The following GPR137B variants were observed in gnomAD, a reference collection of about 807,000 sequenced individuals.
GPR137B encodes the protein G protein-coupled receptor 137B.
A neutral mutation model predicts 42.5 loss-of-function variants in GPR137B; 42 were observed. The observed-to-expected ratio is 0.99, with a 90% CI of 0.77 to 1.28. The LOEUF is 1.28. Ranked by LOEUF, GPR137B falls within the 50% of genes most tolerant of loss-of-function variation. The pLI, the probability that GPR137B is intolerant of heterozygous loss-of-function variation, is 0.00. For missense variants in GPR137B, 487 were observed against 493.9 expected (o/e 0.99, Z 0.13); for synonymous variants, 218 against 209.7 (o/e 1.04, Z -0.34).
Position 236,178,447 on chromosome 1 carries a change from C to T in GPR137B, c.498C>T (p.Ser166=), listed in dbSNP as rs765503307. Reference sequence around the variant, plus strand: ...TCTACCTGGCCTCCCTCTTCATCAGCCTTGTTTTCCTGTTGGTGAATTTAA... The same window carrying T: ...TCTACCTGGCCTCCCTCTTCATCAGTCTTGTTTTCCTGTTGGTGAATTTAA... ...LPLYLASLFI[S]LVFLLVNLTC... is the part of the protein sequence containing the mutation. The change falls in exon 3 of 7, where the codon AGC becomes AGT. Residue 166 remains serine (S), a synonymous_variant. Transcript: ENST00000366592. The T allele has an allele frequency of 1.9e-6, 3 of 1,613,746 alleles. No individual in the cohort carries two copies. The African/African-American group carries it at 4.0e-5, about 22-fold the overall frequency.
intron 1 of GPR137B, among the ~76,000 whole-genome samples, chr1:236,146,260 GCA>G (rs1021949078): frequency 1.3e-5 from 2 of 152,212 alleles, no homozygotes; most frequent in African/African-American, 4.8e-5. Context: ...TATACATACA[GCA>G]CAGTTAAGGC....
intron 5 of GPR137B, among the ~76,000 whole-genome samples, chr1:236,197,807 G>T (rs1199756629): frequency 6.6e-6 from 1 of 152,104 alleles, no homozygotes; most frequent in East Asian, 1.9e-4. Flanking sequence ...TGGAACCTCC[G>T]CCTCCCAGGT....
chr1:236,177,298 G>A (rs1662716304), intron 2 of GPR137B, among the ~76,000 whole-genome samples: 1 of 152,038 alleles, frequency 6.6e-6, no homozygotes, highest in South Asian at 2.1e-4. Flanking sequence ...CATATCCCCT[G>A]CCCCTCTCTG....
chr1:236,164,136 T>C (rs143274448), intron 1 of GPR137B, among the ~76,000 whole-genome samples: 1,605 of 152,312 alleles, frequency 0.011, 21 homozygotes, highest in Admixed American at 0.036. Flanking sequence ...CATGTCTGTC[T>C]GCCTGTGTAT....
rs896274051 is a variant in GPR137B, at chr1:236,171,960, A to G, written c.464+3205A>G. ...AGGCTGAGGCAGGAGAATCACTTGAACCCAGGAGGTTGAGGTTGCAGTGAG... is the reference window on the plus strand; with the variant it reads ...AGGCTGAGGCAGGAGAATCACTTGAGCCCAGGAGGTTGAGGTTGCAGTGAG... On this transcript the variant is annotated intron_variant, in intron 2 of 6. Transcript: ENST00000366592. The surrounding 1 kb of genome is among the most constrained non-coding windows in gnomAD (Gnocchi z 4.4). Among the ~76,000 whole-genome samples, 1 of 151,346 alleles carries G rather than the reference A, an allele frequency of 6.6e-6. No individual in the cohort carries two copies. The highest frequency in any genetic ancestry group is 1.5e-5 in the Non-Finnish European group (1 of 67,926).
At chr1:236,183,547 C>T (rs1201798886) in intron 4 of GPR137B, among the ~76,000 whole-genome samples, 1 of 152,036 alleles carries the variant, frequency 6.6e-6, no homozygotes, top group African/African-American at 2.4e-5. Context: ...GAGGTCTAGA[C>T]CATTACTATT....
Position 236,142,678 on chromosome 1 carries a change from C to G in GPR137B, c.56C>G (p.Pro19Arg). Residue 19 changes from proline (P) to arginine (R), a missense_variant, in exon 1 of 7, where the codon CCG (proline) becomes CGG (arginine). Pro to Arg is a moderately radical substitution (Grantham distance 103). Coordinates refer to ENST00000366592, the MANE Select transcript of GPR137B (RefSeq NM_003272.4). ...AGCGCCCCCGGCCCGATGGAGACCC[C>G]GCCGTGGGACCCAGCCCGCAACGAC... ...RGSAPGPMET[P>R]PWDPARNDSL... The G allele has an allele frequency of 1.9e-6, 3 of 1,558,514 alleles. No homozygotes were observed. Among genetic ancestry groups the G allele is most frequent in the Non-Finnish European group, 2.6e-6 (3 of 1,157,808 alleles).
intron 5 of GPR137B, among the ~76,000 whole-genome samples, chr1:236,194,545 T>C (rs1205282553): frequency 6.6e-6 from 1 of 152,222 alleles, no homozygotes; most frequent in Non-Finnish European, 1.5e-5. Context: ...CTGTTCATGT[T>C]CTATTAACTT....
At chr1:236,170,143 G>T (rs1375789708) in intron 2 of GPR137B, among the ~76,000 whole-genome samples, 5 of 152,026 alleles carry the variant, frequency 3.3e-5, no homozygotes. Context: ...TGAGTCCAGG[G>T]GTTCTGGCGT....
chr1:236,180,017 G>A lies in GPR137B; in HGVS notation c.826G>A (p.Val276Ile), dbSNP rs1301928644. Residue 276 changes from valine to isoleucine, a missense_variant, in exon 4 of 7, where the codon GTA becomes ATA. Val to Ile is a conservative substitution (Grantham distance 29, BLOSUM62 3). Coordinates refer to ENST00000366592, the MANE Select transcript of GPR137B (RefSeq NM_003272.4). ...VHSFDYDWYN[V>I]SDQADLKNQL... ...TTCCTTTGATTATGACTGGTACAAT[G>A]TATCAGACCAGGTCAGTGGGGGCGC... 1.2e-6 allele frequency: 2 copies of A among 1,613,788 alleles called. No individual in the cohort carries two copies. Among genetic ancestry groups the A allele is most frequent in the East Asian group, 4.5e-5 (2 of 44,880 alleles).
At chr1:236,159,566 G>A (rs190929865) in intron 1 of GPR137B, among the ~76,000 whole-genome samples, 3 of 151,928 alleles carry the variant, frequency 2.0e-5, no homozygotes, top group African/African-American at 4.8e-5. Context: ...CCAGCTACTC[G>A]GGAGGCTGAG....
chr1:236,181,467 A>G (rs1216241999), intron 4 of GPR137B, among the ~76,000 whole-genome samples: 1 of 152,254 alleles, frequency 6.6e-6, no homozygotes, highest in Non-Finnish European at 1.5e-5. Context: ...GCCATTAACA[A>G]TAAAGAAATG....
intron 5 of GPR137B, among the ~76,000 whole-genome samples, chr1:236,200,708 C>G (rs1218428879): frequency 6.6e-6 from 1 of 151,912 alleles, no homozygotes; most frequent in African/African-American, 2.4e-5. Flanking sequence ...TTTTTCCACC[C>G]CTTTACCTTA....
chr1:236,186,259 ATAT>A (rs1201292217), intron 5 of GPR137B, among the ~76,000 whole-genome samples: 3 of 19,912 alleles, frequency 1.5e-4, no homozygotes, highest in African/African-American at 4.2e-4. Context: ...TATATAATAT[ATAT>A]TATATATTAT....
intron 1 of GPR137B, among the ~76,000 whole-genome samples, chr1:236,159,392 G>A (rs1488852634): frequency 8.5e-5 from 13 of 152,094 alleles, no homozygotes; most frequent in East Asian, 1.9e-4. Flanking sequence ...TAGGCTTGGC[G>A]GGGTGGCTCA....
rs1662549065 is a variant in GPR137B, at chr1:236,171,975, G to T, written c.464+3220G>T. Reference sequence around the variant, plus strand: ...AATCACTTGAACCCAGGAGGTTGAGGTTGCAGTGAGCCGAGATTGTGCCAT... The same window carrying T: ...AATCACTTGAACCCAGGAGGTTGAGTTTGCAGTGAGCCGAGATTGTGCCAT... On this transcript the variant is annotated intron_variant, in intron 2 of 6. Coordinates refer to ENST00000366592, the MANE Select transcript of GPR137B (RefSeq NM_003272.4). The surrounding 1 kb of genome is among the most constrained non-coding windows in gnomAD (Gnocchi z 4.4). 6.6e-6 allele frequency among the ~76,000 whole-genome samples: 1 copy of T among 151,528 alleles called. No individual in the cohort carries two copies. Among genetic ancestry groups the T allele is most frequent in the African/African-American group, 2.4e-5 (1 of 41,126 alleles).
chr1:236,197,220 T>G (rs894401058), intron 5 of GPR137B, among the ~76,000 whole-genome samples: 4 of 152,328 alleles, frequency 2.6e-5, no homozygotes, highest in Middle Eastern at 6.8e-3. Flanking sequence ...TAGCCCACTT[T>G]TGGATGGGAT....
At chr1:236,205,904 C>T (rs950175539) in intron 6 of GPR137B, among the ~76,000 whole-genome samples, 9 of 152,148 alleles carry the variant, frequency 5.9e-5, no homozygotes, top group Admixed American at 1.3e-4. Context: ...CTCTGAATCT[C>T]CAAGAGGGAA....
rs577452997 is a variant in GPR137B at position 236,151,943 on chromosome 1, G to A, written c.414+8907G>A. The stretch of plus-strand genomic sequence containing the variant: ...CAGGCTGTGTGACGGTCCATTTTTA[G>A]TGCATGAGTGGTGGCAGATAAGGAG... On this transcript the variant is annotated intron_variant, in intron 1 of 6. Transcript: ENST00000366592. 7.2e-5 allele frequency among the ~76,000 whole-genome samples: 11 copies of A among 152,222 alleles called. No individual in the cohort carries two copies. In the South Asian group the frequency reaches 2.1e-3, roughly 29 times the overall value.
Sources: gnomAD v4.1 joint callset for allele counts (sites outside exome capture counted in the v4.1 genomes callset) on GRCh38, gnomAD v4.1.1 for gene constraint, Gnocchi (gnomAD v3.1) non-coding constraint, MANE v1.5 for transcripts, NCBI Gene and HGNC (gene_info 2026-07-23, HGNC 2026-07-21) for gene names.